Variants in MYO3B observed in about 807,000 individuals in gnomAD.
MYO3B encodes myosin IIIB.
In MYO3B, 156 loss-of-function variants were observed where a neutral mutation model predicts 174.6. That is an observed-to-expected ratio of 0.89 (90% CI 0.78 to 1.02). The LOEUF (loss-of-function observed/expected upper bound fraction) is 1.02. Among genes scored for constraint, MYO3B ranks in the 50% least tolerant of loss-of-function variants. MYO3B has a pLI of 0.00. For synonymous variants in MYO3B, 563 were observed against 569.1 expected (o/e 0.99, Z 0.15); for missense variants, 1,632 against 1,639.4 (o/e 1.00, Z 0.08).
chr2:170,260,965 G>A (rs182381498), intron 7 of MYO3B, among the ~76,000 whole-genome samples: 156 of 152,228 alleles, frequency 1.0e-3, no homozygotes, highest in African/African-American at 3.7e-3. Context: ...CAGAAAAATG[G>A]GATGGTACCT....
intron 7 of MYO3B, among the ~76,000 whole-genome samples, chr2:170,326,055 T>C (rs1255048376): frequency 6.6e-6 from 1 of 152,132 alleles, no homozygotes; most frequent in East Asian, 1.9e-4. Context: ...AAGCACGGCA[T>C]GTTTAACCTT....
At chr2:170,458,773 C>G (rs572930509) in intron 23 of MYO3B, among the ~76,000 whole-genome samples, 2 of 152,118 alleles carry the variant, frequency 1.3e-5, no homozygotes, top group African/African-American at 2.4e-5. Context: ...TGTTCCTTGT[C>G]GGAAATTCTT....
At chr2:170,498,553 G>A (rs751061713) in intron 25 of MYO3B, 39 bp from the exon 26 acceptor site, 13 of 1,416,540 alleles carry the variant, frequency 9.2e-6, no homozygotes, top group African/African-American at 1.4e-5. Context: ...GAGTCAAATG[G>A]TGACTGAAAA....
At chr2:170,268,808 GA>G (rs1249896358) in intron 7 of MYO3B, among the ~76,000 whole-genome samples, 1 of 151,728 alleles carries the variant, frequency 6.6e-6, no homozygotes, top group Non-Finnish European at 1.5e-5. Context: ...CTTCAAATAA[GA>G]AAAAGATTGG....
At chr2:170,558,153 T>G (rs1691457244) in intron 32 of MYO3B, among the ~76,000 whole-genome samples, 1 of 151,962 alleles carries the variant, frequency 6.6e-6, no homozygotes, top group South Asian at 2.1e-4. Context: ...TACAAAAAAT[T>G]AGCCGAGCAT....
At chr2:170,236,411 A>C (rs889822298) in intron 7 of MYO3B, among the ~76,000 whole-genome samples, 18 of 152,224 alleles carry the variant, frequency 1.2e-4, no homozygotes, top group African/African-American at 4.1e-4. Context: ...TGTACTTTGC[A>C]CGATAAGACT....
At chr2:170,552,289 G>C (rs1199950892) in intron 32 of MYO3B, among the ~76,000 whole-genome samples, 2 of 152,196 alleles carry the variant, frequency 1.3e-5, no homozygotes, top group Admixed American at 6.5e-5. Context: ...CTAGAGACTT[G>C]TTGAAGGGTT....
At chr2:170,563,061 C>T (rs1691829081) in intron 32 of MYO3B, among the ~76,000 whole-genome samples, 1 of 148,032 alleles carries the variant, frequency 6.8e-6, no homozygotes, top group African/African-American at 2.5e-5. Context: ...CACACACACA[C>T]ACTCTAGACA....
chr2:170,244,655 G>A (rs1416185541), intron 7 of MYO3B, among the ~76,000 whole-genome samples: 3 of 152,108 alleles, frequency 2.0e-5, no homozygotes, highest in East Asian at 3.9e-4. Context: ...CTTGACTTTC[G>A]CCTTGGGATA....
At chr2:170,581,290 T>C (rs531029143) in intron 32 of MYO3B, among the ~76,000 whole-genome samples, 2 of 152,230 alleles carry the variant, frequency 1.3e-5, no homozygotes, top group Admixed American at 1.3e-4. Context: ...TTCTCATGTG[T>C]TACTTTTTGG....
chr2:170,478,526 CACACACA>C (rs1685455779), intron 25 of MYO3B, among the ~76,000 whole-genome samples: 1 of 34,240 alleles, frequency 2.9e-5, no homozygotes, highest in Non-Finnish European at 5.7e-5. Flanking sequence ...TTATTGTACA[CACACACA>C]CACACACACA....
intron 32 of MYO3B, among the ~76,000 whole-genome samples, chr2:170,627,930 C>G (rs1050064467): frequency 3.3e-5 from 5 of 152,160 alleles, no homozygotes; most frequent in African/African-American, 1.2e-4. Context: ...CAGAGGGGTA[C>G]CTCGCCATGT....
At chr2:170,529,363 A>T (rs7559162) in intron 30 of MYO3B, among the ~76,000 whole-genome samples, 114,645 of 149,120 alleles carry the variant, frequency 0.77, 44,017 homozygotes, top group African/African-American at 0.87. Flanking sequence ...AATAAAAGTT[A>T]AAAAAAAAAA....
At chr2:170,646,842 C>T (rs557312068) in intron 32 of MYO3B, 14 of 909,140 alleles carry the variant, frequency 1.5e-5, no homozygotes, top group Middle Eastern at 2.6e-4. Context: ...TGAAGCTGTT[C>T]GTCAGGATAG....
At chr2:170,457,161 G>A (rs77611113) in intron 23 of MYO3B, among the ~76,000 whole-genome samples, 3,390 of 152,346 alleles carry the variant, frequency 0.022, 62 homozygotes, top group African/African-American at 0.048. Context: ...CAGTGAGTGT[G>A]TGGCGAGTGA....
At chr2:170,261,962 A>T (rs1447382342) in intron 7 of MYO3B, among the ~76,000 whole-genome samples, 1 of 152,166 alleles carries the variant, frequency 6.6e-6, no homozygotes, top group East Asian at 1.9e-4. Context: ...AAGAAGGACT[A>T]CTCAAAGCTG....
rs1486529183 is a variant in MYO3B, at chr2:170,622,943, A to G, written c.3734-28685A>G. On this transcript the variant is annotated intron_variant, in intron 32 of 34. Transcript: ENST00000408978. ...CTGCATAGTATTCCATGGTGTATAT[A>G]TGCCACATTTTCTTAATCCAGTCTA... Among the ~76,000 whole-genome samples the G allele has an allele frequency of 3.3e-5, 5 of 152,112 alleles. No homozygotes were observed. The South Asian group carries it at 6.2e-4, about 19-fold the overall frequency.
chr2:170,319,080 A>G (rs1462401982), intron 7 of MYO3B, among the ~76,000 whole-genome samples: 1 of 152,230 alleles, frequency 6.6e-6, no homozygotes, highest in African/African-American at 2.4e-5. Context: ...CTCCTACATC[A>G]GCAGTAATAA....
At position 170,635,830 on chromosome 2, in the gene MYO3B, T is replaced by A. The variant is rs1472423450; in HGVS notation, c.3734-15798T>A. The stretch of plus-strand genomic sequence containing the variant: ...AGGTCTAAAAAAGAGAAAGAGAAAA[T>A]GAATTTAATCAATAATGTAAACCAA... On this transcript the variant is annotated intron_variant, in intron 32 of 34. Coordinates refer to ENST00000408978, the MANE Select transcript of MYO3B (RefSeq NM_138995.5). 2.0e-5 allele frequency among the ~76,000 whole-genome samples: 3 copies of A among 152,036 alleles called. No homozygotes were observed. The East Asian group carries it at 5.8e-4, about 29-fold the overall frequency.
Sources: allele counts gnomAD v4.1 joint callset (sites outside exome capture counted in the v4.1 genomes callset), GRCh38; gene constraint gnomAD v4.1.1; transcripts MANE v1.5; gene names NCBI Gene and HGNC (gene_info 2026-07-23, HGNC 2026-07-21).